The following TEX14 variants were observed in gnomAD, a reference collection of about 807,000 sequenced individuals.
TEX14 encodes the protein testis expressed 14, intercellular bridge forming factor, also known as inactive serine/threonine-protein kinase TEX14.
Under a neutral mutation model 178.6 loss-of-function variants are expected in TEX14, and 168 were observed. The ratio of observed to expected loss-of-function variants is 0.94; its 90% CI spans 0.83 to 1.07. The LOEUF (loss-of-function observed/expected upper bound fraction) is 1.07. Among genes scored for constraint, TEX14 ranks in the 50% least tolerant of loss-of-function variants. The pLI is 0.00. For missense variants in TEX14, 1,730 were observed against 1,753.6 expected, an observed-to-expected ratio of 0.99 and a Z score of 0.24; for synonymous variants, 626 against 634.1, an observed-to-expected ratio of 0.99 and a Z score of 0.19.
At chr17:58,683,843 G>A (rs2047544202) in intron 1 of TEX14, among the ~76,000 whole-genome samples, 1 of 151,578 alleles carries the variant, frequency 6.6e-6, no homozygotes, top group Admixed American at 6.6e-5. Context: ...GAGGCGGGCG[G>A]ATCACAAGGT....
chr17:58,646,039 T>G (rs2046699774), intron 2 of TEX14, among the ~76,000 whole-genome samples: 2 of 152,212 alleles, frequency 1.3e-5, no homozygotes, highest in African/African-American at 4.8e-5. Flanking sequence ...GTAGTGTTAT[T>G]TTTTAATTGT....
Position 58,599,123 on chromosome 17 carries a change from A to G in TEX14, c.2222T>C (p.Met741Thr). 6.2e-7 allele frequency: 1 copy of G among 1,614,074 alleles called. No homozygotes were observed. The highest frequency in any genetic ancestry group is 8.5e-7 in the Non-Finnish European group (1 of 1,180,016). ...VLDLKIMQTI[M>T]HENDDRLRNI... ...CCTCAGCCTATCATCATTCTCGTGC[A>G]TTATTGTCTGCATAATCTTTAGATC... The change falls in exon 14 of 32, where the codon ATG becomes ACG. Residue 741 changes from methionine (M) to threonine (T), a missense_variant. Coordinates refer to ENST00000349033, the MANE Select transcript of TEX14 (RefSeq NM_031272.5).
intron 10 of TEX14, among the ~76,000 whole-genome samples, chr17:58,608,604 T>G (rs2045671097): frequency 6.6e-6 from 1 of 152,322 alleles, no homozygotes. Context: ...TACTGAGCAC[T>G]TACCATAAGT....
intron 4 of TEX14, among the ~76,000 whole-genome samples, chr17:58,622,562 T>C (rs2046024104): frequency 6.6e-6 from 1 of 152,068 alleles, no homozygotes; most frequent in Non-Finnish European, 1.5e-5. Context: ...GAAGATTGAG[T>C]TAATATATAA....
At position 58,579,692 on chromosome 17, in the gene TEX14, C is replaced by T; in HGVS notation, c.3211G>A (p.Gly1071Ser). The T allele has an allele frequency of 6.2e-7, 1 of 1,613,996 alleles. No individual in the cohort carries two copies. The highest frequency in any genetic ancestry group is 8.5e-7 in the Non-Finnish European group (1 of 1,179,952). The part of the protein sequence containing the change: ...PIEEDFEGIQ[G>S]AFAQPQVSGE... ...GAGACTTGAGGTTGGGCAAATGCAC[C>T]TTGTATTCCTTCAAAGTCCTCTTCT... Residue 1071 changes from glycine (G) to serine (S), a missense_variant, in exon 20 of 32, where the codon GGT becomes AGT. Coordinates refer to ENST00000349033, the MANE Select transcript of TEX14 (RefSeq NM_031272.5).
rs563670473 is a variant in TEX14 at position 58,607,857 on chromosome 17, G to A, written c.1185-2728C>T. Among the ~76,000 whole-genome samples the A allele has an allele frequency of 2.6e-5, 4 of 152,362 alleles. No homozygotes were observed. In the South Asian group the frequency reaches 8.3e-4, roughly 32 times the overall value. On this transcript the variant is annotated intron_variant, in intron 10 of 31. Coordinates refer to ENST00000349033, the MANE Select transcript of TEX14 (RefSeq NM_031272.5). ...AAGAAACATTTACCGGCCAGCCGTA[G>A]TGGCTCATGCCTGTAATCCCAGTAC...
At chr17:58,674,915 G>A (rs1004574322) in intron 1 of TEX14, among the ~76,000 whole-genome samples, 2 of 151,514 alleles carry the variant, frequency 1.3e-5, no homozygotes, top group African/African-American at 4.8e-5. Flanking sequence ...GAGGCTGAGG[G>A]GGGGTGCATC....
chr17:58,677,923 A>G (rs919489217), intron 1 of TEX14, among the ~76,000 whole-genome samples: 5 of 152,246 alleles, frequency 3.3e-5, no homozygotes, highest in Admixed American at 6.5e-5. Flanking sequence ...AGGCCAAGGC[A>G]GGCAGATCAC....
At position 58,631,146 on chromosome 17, in the gene TEX14, C is replaced by T. The variant is rs112599968; in HGVS notation, c.137-592G>A. On this transcript the variant is annotated intron_variant, in intron 2 of 31. Coordinates refer to ENST00000349033, the MANE Select transcript of TEX14 (RefSeq NM_031272.5). ...TTTAGTCCTCCAGAAGACCAAAAAACACCAAGAAATACAAAAATTGAAATC... is the reference window on the plus strand; with the variant it reads ...TTTAGTCCTCCAGAAGACCAAAAAATACCAAGAAATACAAAAATTGAAATC... 16 of 984,758 alleles carry T rather than the reference C, an allele frequency of 1.6e-5. No individual in the cohort carries two copies. The African/African-American group carries it at 2.4e-4, about 15-fold the overall frequency. 61.0% of individuals were successfully genotyped at this position (984,758 alleles called of 1,614,324 possible).
intron 24 of TEX14, among the ~76,000 whole-genome samples, chr17:58,571,235 CTTTTTTTTT>C (rs11456555): frequency 1.6e-5 from 2 of 127,262 alleles, no homozygotes; most frequent in African/African-American, 3.0e-5. Context: ...CTTTTCTTTT[CTTTTTTTTT>C]TTTTTTTTGG....
chr17:58,659,312 C>T (rs149209029), intron 1 of TEX14: 241 of 977,570 alleles, frequency 2.5e-4, no homozygotes, highest in African/African-American at 1.4e-3. Context: ...ACATTATTTA[C>T]TTAATATTGC....
chr17:58,631,625 A>G (rs1598402334), intron 2 of TEX14: 2 of 151,796 alleles, frequency 1.3e-5, no homozygotes, highest in African/African-American at 4.8e-5. Flanking sequence ...ACATCTGAAA[A>G]AAAAAAAAAC....
intron 1 of TEX14, among the ~76,000 whole-genome samples, chr17:58,674,287 A>G (rs1300003368): frequency 2.0e-5 from 3 of 151,282 alleles, no homozygotes; most frequent in Admixed American, 6.6e-5. Flanking sequence ...AAAAAAAAAA[A>G]GGAAACCCTT....
At chr17:58,638,771 C>T (rs769455755) in intron 2 of TEX14, among the ~76,000 whole-genome samples, 2 of 151,828 alleles carry the variant, frequency 1.3e-5, no homozygotes, top group Non-Finnish European at 2.9e-5. Context: ...AACTCCTGAC[C>T]TCAGGTGATC....
At chr17:58,592,341 T>C (rs1418698613) in intron 15 of TEX14, among the ~76,000 whole-genome samples, 1 of 151,140 alleles carries the variant, frequency 6.6e-6, no homozygotes, top group Non-Finnish European at 1.5e-5. Flanking sequence ...GTGATTCTTT[T>C]TTTTTTTTTT....
At chr17:58,673,521 AATTGT>A (rs1252082007) in intron 1 of TEX14, among the ~76,000 whole-genome samples, 1 of 150,450 alleles carries the variant, frequency 6.6e-6, no homozygotes, top group Non-Finnish European at 1.5e-5. Context: ...ATAAATAAAT[AATTGT>A]ATTGTAACTT....
chr17:58,679,326 C>A (rs2047449614), intron 1 of TEX14, among the ~76,000 whole-genome samples: 1 of 152,162 alleles, frequency 6.6e-6, no homozygotes, highest in South Asian at 2.1e-4. Flanking sequence ...CTGCGTACTT[C>A]TGATTGTAAT....
At chr17:58,600,763 G>A (rs1046749676) in intron 13 of TEX14, among the ~76,000 whole-genome samples, 5 of 152,068 alleles carry the variant, frequency 3.3e-5, no homozygotes, top group African/African-American at 1.2e-4. Context: ...CTGAAGGAGA[G>A]TCAGAGTGAA....
rs1248380277 is a variant in TEX14 at position 58,603,851 on chromosome 17, C to CA, written c.1336+1126dup. On this transcript the variant is annotated intron_variant, in intron 11 of 31. Transcript: ENST00000349033. Reference sequence around the variant, plus strand: ...CCTGGGCAACAGAGTGAGACTCTGTCAAAAAAAAAAAAAAGCAGCCCTTAA... The same window carrying CA: ...CCTGGGCAACAGAGTGAGACTCTGTCAAAAAAAAAAAAAAAGCAGCCCTTAA... 5.8e-3 allele frequency among the ~76,000 whole-genome samples: 500 copies of CA among 86,646 alleles called. 2 individuals are homozygous for CA. The highest frequency in any genetic ancestry group is 9.3e-3 in the Middle Eastern group (1 of 108). 56.8% of individuals were successfully genotyped at this position (86,646 alleles called of 152,430 possible). A position where few individuals can be genotyped will look rare whatever the true frequency, so the allele number is the denominator to read the frequency against.
Sources: allele counts gnomAD v4.1 joint callset (sites outside exome capture counted in the v4.1 genomes callset), GRCh38; gene constraint gnomAD v4.1.1; transcripts MANE v1.5; gene names NCBI Gene and HGNC (gene_info 2026-07-23, HGNC 2026-07-21).